The following ADAMTSL1 variants were observed in gnomAD, a reference collection of about 807,000 sequenced individuals.
ADAMTSL1 encodes ADAMTS-like protein 1.
ADAMTSL1 carries 126 observed loss-of-function variants against 201.8 expected under a neutral mutation model. That is an observed-to-expected ratio of 0.62 (90% CI 0.54 to 0.72). The LOEUF is 0.72. ADAMTSL1 is among the 30% of genes least tolerant of loss of function. The pLI is 0.00. For synonymous variants in ADAMTSL1, 1,121 were observed against 903.4 expected (o/e 1.24, Z -4.32); for missense variants, 2,679 against 2,277.8 (o/e 1.18, Z -3.59).
At chr9:18,800,377 C>CAAAAAAAAAAAAAAAAAA (rs58346548) in intron 20 of ADAMTSL1, among the ~76,000 whole-genome samples, 4 of 60,674 alleles carry the variant, frequency 6.6e-5, no homozygotes, top group Admixed American at 2.4e-4. Flanking sequence ...AACTCCATCT[C>CAAAAAAAAAAAAAAAAAA]AAAAAAAAAA....
At chr9:17,970,818 A>G (rs1014817972) in intron 1 of ADAMTSL1, among the ~76,000 whole-genome samples, 4 of 152,008 alleles carry the variant, frequency 2.6e-5, no homozygotes, top group African/African-American at 4.8e-5. Context: ...GAATTTGCCA[A>G]AAAATATTTA....
At chr9:18,896,555 C>G (rs896023887) in intron 26 of ADAMTSL1, among the ~76,000 whole-genome samples, 18 of 152,262 alleles carry the variant, frequency 1.2e-4, no homozygotes, top group Admixed American at 5.9e-4. Context: ...TTGGGACTGA[C>G]TAGGCAATCA....
intron 9 of ADAMTSL1, among the ~76,000 whole-genome samples, chr9:18,669,756 G>A (rs1348198478): frequency 6.6e-6 from 1 of 152,128 alleles, no homozygotes. Context: ...GAAGGGGCAG[G>A]TAAGATAGAG....
rs559588241 is a variant in ADAMTSL1, at chr9:18,521,633, T to C, written c.192-11614T>C. 9.5e-4 allele frequency among the ~76,000 whole-genome samples: 144 copies of C among 152,240 alleles called. 2 individuals carry two copies. The highest frequency in any genetic ancestry group is 6.8e-3 in the Middle Eastern group (2 of 294). On this transcript the variant is annotated intron_variant, in intron 2 of 28. Transcript: ENST00000380548. ...CAGTATAAGCATGGTTATCTGCAGA[T>C]ACTTTTAAAGAAGAGACAGTGCTGA...
At chr9:18,778,231 C>A (rs1359465272) in intron 19 of ADAMTSL1, among the ~76,000 whole-genome samples, 1 of 152,214 alleles carries the variant, frequency 6.6e-6, no homozygotes, top group African/African-American at 2.4e-5. Context: ...GACATCATTC[C>A]AGGCCAAGGC....
At chr9:18,213,669 T>A (rs1829962326) in intron 2 of ADAMTSL1, among the ~76,000 whole-genome samples, 1 of 152,230 alleles carries the variant, frequency 6.6e-6, no homozygotes, top group African/African-American at 2.4e-5. Context: ...GTTTTCAAGA[T>A]AGCACATACG....
At chr9:18,020,066 C>A (rs1289313685) in intron 1 of ADAMTSL1, among the ~76,000 whole-genome samples, 5 of 151,994 alleles carry the variant, frequency 3.3e-5, no homozygotes. Context: ...GAGAAGGGAA[C>A]TTTTCTGTTT....
intron 1 of ADAMTSL1, among the ~76,000 whole-genome samples, chr9:18,025,196 C>G: frequency 6.6e-6 from 1 of 151,956 alleles, no homozygotes; most frequent in East Asian, 1.9e-4. Context: ...AATACTTCTC[C>G]CATTTAGTAG....
rs1312866735 is a variant in ADAMTSL1 at position 18,910,410 on chromosome 9, C to T, written c.*1862C>T. ...CTATTGGGGGGACTTTATTAACTAA[C>T]TTCCTGCAGTTGTGTTCCTGTAAAC... On this transcript the variant is annotated 3_prime_UTR_variant, in exon 29 of 29. Coordinates refer to ENST00000380548, the MANE Select transcript of ADAMTSL1 (RefSeq NM_001040272.6). 2 of 147,920 alleles carry T rather than the reference C, an allele frequency of 1.4e-5. No individual in the cohort carries two copies. Among genetic ancestry groups the T allele is most frequent in the Non-Finnish European group, 3.0e-5 (2 of 66,698 alleles). 9.2% of individuals were successfully genotyped at this position (147,920 alleles called of 1,614,324 possible).
At chr9:18,844,587 A>C (rs1431553706) in intron 23 of ADAMTSL1, among the ~76,000 whole-genome samples, 1 of 152,138 alleles carries the variant, frequency 6.6e-6, no homozygotes, top group Non-Finnish European at 1.5e-5. Flanking sequence ...AGGGACACTT[A>C]AGTCTGCAGA....
intron 4 of ADAMTSL1, among the ~76,000 whole-genome samples, chr9:18,602,204 G>A (rs1336631438): frequency 1.3e-5 from 2 of 152,164 alleles, no homozygotes; most frequent in African/African-American, 2.4e-5. Flanking sequence ...TTTATGCTTT[G>A]GTGGATGTAT....
chr9:18,055,839 C>T (rs1407553603), intron 1 of ADAMTSL1, among the ~76,000 whole-genome samples: 6 of 152,208 alleles, frequency 3.9e-5, no homozygotes, highest in Admixed American at 3.9e-4. Flanking sequence ...GTTTGCCATG[C>T]TGTCAAGGTT....
intron 1 of ADAMTSL1, among the ~76,000 whole-genome samples, chr9:17,985,804 A>C (rs564577987): frequency 7.9e-4 from 120 of 152,210 alleles, no homozygotes; most frequent in African/African-American, 2.7e-3. Flanking sequence ...GATTTCTGTA[A>C]AGAGCAACAT....
Position 18,290,919 on chromosome 9 carries a change from C to T in ADAMTSL1, c.207+126938C>T, listed in dbSNP as rs564253280. ...GCCTCAGCCTCCCAAGTAGCTGGGACTACAGGTGCCTGCCACGGCGCCTGG... is the reference window on the plus strand; with the variant it reads ...GCCTCAGCCTCCCAAGTAGCTGGGATTACAGGTGCCTGCCACGGCGCCTGG... On this transcript the variant is annotated intron_variant, in intron 2 of 29. Coordinates refer to the ADAMTSL1 transcript ENST00000680146. 1.4e-4 allele frequency among the ~76,000 whole-genome samples: 22 copies of T among 152,052 alleles called. No individual in the cohort carries two copies. The South Asian group carries it at 4.6e-3, about 32-fold the overall frequency.
At chr9:18,435,415 G>C (rs1434742837) in intron 2 of ADAMTSL1, among the ~76,000 whole-genome samples, 1 of 152,134 alleles carries the variant, frequency 6.6e-6, no homozygotes, top group Non-Finnish European at 1.5e-5. Context: ...TATTCTAATG[G>C]GGAAACCAGA....
At chr9:18,164,798 A>G (rs1827561116) in intron 2 of ADAMTSL1, among the ~76,000 whole-genome samples, 1 of 151,900 alleles carries the variant, frequency 6.6e-6, no homozygotes, top group Non-Finnish European at 1.5e-5. Context: ...TCTGTACCCT[A>G]ACTCTTGACT....
At chr9:18,387,729 GACAGATT>G (rs934424307) in intron 2 of ADAMTSL1, among the ~76,000 whole-genome samples, 39 of 151,916 alleles carry the variant, frequency 2.6e-4, no homozygotes, top group African/African-American at 8.9e-4. Context: ...TTTTCTTTAA[GACAGATT>G]ACCAGGCCAT....
At chr9:18,489,071 G>T (rs150400070) in intron 1 of ADAMTSL1, among the ~76,000 whole-genome samples, 1 of 152,096 alleles carries the variant, frequency 6.6e-6, no homozygotes, top group Non-Finnish European at 1.5e-5. Flanking sequence ...CTCCATCCCC[G>T]CAAGAGATTC....
intron 19 of ADAMTSL1, among the ~76,000 whole-genome samples, chr9:18,785,999 G>A (rs1187076751): frequency 1.3e-5 from 2 of 152,182 alleles, no homozygotes; most frequent in African/African-American, 4.8e-5. Flanking sequence ...ATTGAACCAG[G>A]AGTAACCCAA....
Sources: gnomAD v4.1 joint callset for allele counts (sites outside exome capture counted in the v4.1 genomes callset) on GRCh38, gnomAD v4.1.1 for gene constraint, MANE v1.5 for transcripts, NCBI Gene and HGNC (gene_info 2026-07-23, HGNC 2026-07-21) for gene names.